PCCA: variants seen among roughly 807,000 people sequenced by gnomAD.
The protein encoded by PCCA is propionyl-CoA carboxylase alpha chain, mitochondrial.
In PCCA, 74 loss-of-function variants were observed where a neutral mutation model predicts 101.3. That is an observed-to-expected ratio of 0.73 (90% CI 0.61 to 0.89). The LOEUF is 0.89. PCCA is among the 40% of genes least tolerant of loss of function. PCCA has a pLI of 0.00. For synonymous variants in PCCA, 294 were observed against 313.6 expected, an observed-to-expected ratio of 0.94 and a Z score of 0.66; for missense variants, 891 against 907.0, an observed-to-expected ratio of 0.98 and a Z score of 0.23.
At chr13:100,362,576 G>A (rs1469714430) in intron 18 of PCCA, among the ~76,000 whole-genome samples, 1 of 152,136 alleles carries the variant, frequency 6.6e-6, no homozygotes, top group Non-Finnish European at 1.5e-5. Flanking sequence ...GGTCTGCTGG[G>A]GTGACAGCTG....
chr13:100,430,496 G>A (rs2079472875), intron 20 of PCCA, among the ~76,000 whole-genome samples: 1 of 152,126 alleles, frequency 6.6e-6, no homozygotes, highest in South Asian at 2.1e-4. Context: ...TCCTCTCTGT[G>A]TTCCTCCAGG....
chr13:100,154,280 T>C (rs1002898072), intron 4 of PCCA, among the ~76,000 whole-genome samples: 3 of 152,250 alleles, frequency 2.0e-5, no homozygotes, highest in South Asian at 2.1e-4. Flanking sequence ...GCTTCTATTA[T>C]GCAAAATAAA....
chr13:100,295,741 T>A (rs1420259823), intron 12 of PCCA, among the ~76,000 whole-genome samples: 1 of 152,240 alleles, frequency 6.6e-6, no homozygotes, highest in Non-Finnish European at 1.5e-5. Context: ...GGCCACTACT[T>A]ACCAGCTGCC....
intron 9 of PCCA, among the ~76,000 whole-genome samples, chr13:100,262,260 G>T (rs1445604661): frequency 6.6e-6 from 1 of 152,110 alleles, no homozygotes; most frequent in Admixed American, 6.5e-5. Flanking sequence ...GGGCGTGGTG[G>T]CACACACCTG....
intron 12 of PCCA, among the ~76,000 whole-genome samples, chr13:100,293,890 T>A (rs1196722759): frequency 6.6e-6 from 1 of 152,228 alleles, no homozygotes; most frequent in Non-Finnish European, 1.5e-5. Context: ...GGTTTTGTTT[T>A]AAAGCATATT....
intron 18 of PCCA, among the ~76,000 whole-genome samples, chr13:100,343,896 G>A (rs1375391251): frequency 6.6e-6 from 1 of 152,116 alleles, no homozygotes; most frequent in Non-Finnish European, 1.5e-5. Context: ...CCAACATGGC[G>A]AAACCCTGTC....
chr13:100,460,971 G>T (rs1413327913), intron 21 of PCCA, among the ~76,000 whole-genome samples: 1 of 152,086 alleles, frequency 6.6e-6, no homozygotes, highest in Non-Finnish European at 1.5e-5. Flanking sequence ...AAGAACTTTG[G>T]GGAACTTTGG....
intron 20 of PCCA, among the ~76,000 whole-genome samples, chr13:100,440,739 C>T (rs74113905): frequency 0.024 from 3,602 of 151,622 alleles, 154 homozygotes; most frequent in African/African-American, 0.082. Flanking sequence ...TCTCTAGAAT[C>T]ATTGCATGTG....
intron 6 of PCCA, among the ~76,000 whole-genome samples, chr13:100,164,102 T>C (rs2054788567): frequency 6.6e-6 from 1 of 152,204 alleles, no homozygotes; most frequent in African/African-American, 2.4e-5. Context: ...AATTTTGTTA[T>C]AAACATGTTG....
intron 1 of PCCA, among the ~76,000 whole-genome samples, chr13:100,093,147 G>T (rs1347391300): frequency 8.1e-6 from 1 of 122,854 alleles, no homozygotes; most frequent in Non-Finnish European, 1.7e-5. Context: ...CACTTTTTTG[G>T]TGGGGCTGGA....
chr13:100,112,193 T>C (rs973270533), intron 4 of PCCA, 132 bp downstream of exon 4: 1 of 687,828 alleles, frequency 1.5e-6, no homozygotes, highest in Non-Finnish European at 2.6e-6. Flanking sequence ...TTGTTCACTG[T>C]TGTGTTAAGC....
intron 4 of PCCA, among the ~76,000 whole-genome samples, chr13:100,145,577 A>G (rs180903752): frequency 1.6e-3 from 239 of 152,282 alleles, no homozygotes; most frequent in African/African-American, 5.5e-3. Flanking sequence ...ATGTTTAGGT[A>G]TAACGGTAGG....
chr13:100,348,791 C>T (rs202137909), intron 18 of PCCA, among the ~76,000 whole-genome samples: 1,395 of 49,044 alleles, frequency 0.028, 12 homozygotes, highest in African/African-American at 0.067. Context: ...TTTCTTTCTT[C>T]CTTCCTTCCT....
chr13:100,425,618 T>G lies in PCCA; in HGVS notation c.1747-15T>G, dbSNP rs1377132840. The G allele has an allele frequency of 4.5e-6, 7 of 1,562,860 alleles. No homozygotes were observed. The East Asian group carries it at 1.6e-4, about 35-fold the overall frequency. ...TCTTTCTTCATGGTAATGGTCTTAT[T>G]TGGTGTCACAACAGGTGGAAGTTGA... On this transcript the variant is annotated splice_polypyrimidine_tract_variant and intron_variant, in intron 19 of 23. Coordinates refer to ENST00000376285, the MANE Select transcript of PCCA (RefSeq NM_000282.4).
chr13:100,267,370 G>A (rs1347780238), intron 10 of PCCA, among the ~76,000 whole-genome samples: 4 of 152,026 alleles, frequency 2.6e-5, no homozygotes, highest in African/African-American at 9.7e-5. Flanking sequence ...AATCATTCTT[G>A]AGTTTCAGAA....
At chr13:100,338,255 T>C (rs921530631) in intron 17 of PCCA, among the ~76,000 whole-genome samples, 2 of 152,188 alleles carry the variant, frequency 1.3e-5, no homozygotes, top group Middle Eastern at 3.2e-3. Flanking sequence ...TTATATATAT[T>C]GATATTTACC....
At chr13:100,102,019 G>A (rs1230013546) in intron 1 of PCCA, among the ~76,000 whole-genome samples, 2 of 152,110 alleles carry the variant, frequency 1.3e-5, no homozygotes, top group Admixed American at 6.6e-5. Context: ...GGTACCTGTT[G>A]GTTGCCTTTT....
chr13:100,177,473 G>A (rs1206709657), intron 6 of PCCA, among the ~76,000 whole-genome samples: 1 of 152,078 alleles, frequency 6.6e-6, no homozygotes, highest in Non-Finnish European at 1.5e-5. Context: ...TAGAATTCAT[G>A]TTTCTGTTGT....
At chr13:100,170,878 A>G (rs761244044) in intron 6 of PCCA, among the ~76,000 whole-genome samples, 8 of 152,248 alleles carry the variant, frequency 5.3e-5, no homozygotes, top group Non-Finnish European at 1.0e-4. Context: ...AGCATAGCGT[A>G]CAGTAGCCAT....
Sources: allele counts gnomAD v4.1 joint callset (sites outside exome capture counted in the v4.1 genomes callset), GRCh38; gene constraint gnomAD v4.1.1; transcripts MANE v1.5; gene names NCBI Gene and HGNC (gene_info 2026-07-23, HGNC 2026-07-21).